Variants in PTPN12 observed in about 807,000 individuals in gnomAD.
PTPN12 encodes the protein tyrosine-protein phosphatase non-receptor type 12.
Under a neutral mutation model 97.6 loss-of-function variants are expected in PTPN12, and 29 were observed. The observed-to-expected ratio is 0.30, with a 90% CI of 0.22 to 0.41. The LOEUF (loss-of-function observed/expected upper bound fraction) is 0.41. PTPN12 is among the 10% of genes least tolerant of loss of function. The probability of loss-of-function intolerance (pLI) is 1.00; values close to 1 mark genes in which losing one functional copy is unlikely to be tolerated. For missense variants in PTPN12, 819 were observed against 926.0 expected (o/e 0.88, Z 1.50); for synonymous variants, 327 against 300.4 (o/e 1.09, Z -0.91).
intron 1 of PTPN12, among the ~76,000 whole-genome samples, chr7:77,539,923 T>C (rs1806872963): frequency 6.6e-6 from 1 of 152,164 alleles, no homozygotes; most frequent in Admixed American, 6.5e-5. Flanking sequence ...AAGTGATCCA[T>C]CTGCTTTGGC....
intron 12 of PTPN12, among the ~76,000 whole-genome samples, chr7:77,625,376 C>T (rs959546096): frequency 6.7e-6 from 1 of 150,286 alleles, no homozygotes. Context: ...CTCAGCCTTC[C>T]TAGTAGCTGG....
At chr7:77,580,233 C>G (rs567327639) in intron 2 of PTPN12, among the ~76,000 whole-genome samples, 1 of 152,188 alleles carries the variant, frequency 6.6e-6, no homozygotes, top group African/African-American at 2.4e-5. Flanking sequence ...GGAGCCTGAG[C>G]CAGGAAGATC....
At chr7:77,602,350 T>C (rs1189959708) in intron 8 of PTPN12, among the ~76,000 whole-genome samples, 3 of 152,232 alleles carry the variant, frequency 2.0e-5, no homozygotes, top group Non-Finnish European at 2.9e-5. Flanking sequence ...TGTATATGTA[T>C]ACATTATATG....
At chr7:77,557,142 T>G (rs1807758690) in intron 1 of PTPN12, among the ~76,000 whole-genome samples, 1 of 152,080 alleles carries the variant, frequency 6.6e-6, no homozygotes, top group Non-Finnish European at 1.5e-5. Context: ...ATTTTTAAAT[T>G]TTTTGTAGAG....
rs765812854 is a variant in PTPN12 at position 77,627,651 on chromosome 7, A to G, written c.1972A>G (p.Thr658Ala). The G allele has an allele frequency of 2.5e-6, 4 of 1,588,144 alleles. No individual in the cohort carries two copies. The highest frequency in any genetic ancestry group is 1.4e-5 in the African/African-American group (1 of 73,904). Residue 658 changes from threonine to alanine, a missense_variant, in exon 13 of 18, where the codon ACA becomes GCA. Around this residue, in one of 5 missense-constraint regions of PTPN12, gnomAD observed 607 missense variants for 577.3 expected, o/e 1.05. Transcript: ENST00000248594. The part of the protein sequence containing the change: ...MSIARHNIAG[T>A]THSGAEKDVD... Reference sequence around the variant, plus strand: ...CATTGCTAGACATAATATAGCAGGAACAACACATTCAGGTGCTGAAAAAGG... The same window carrying G: ...CATTGCTAGACATAATATAGCAGGAGCAACACATTCAGGTGCTGAAAAAGG...
chr7:77,628,921 T>G (rs1789298179), intron 13 of PTPN12, among the ~76,000 whole-genome samples: 1 of 152,154 alleles, frequency 6.6e-6, no homozygotes, highest in African/African-American at 2.4e-5. Context: ...TACTGTATTT[T>G]TTAACTTGAG....
chr7:77,554,626 T>TA (rs1415240060), intron 1 of PTPN12, among the ~76,000 whole-genome samples: 1 of 152,246 alleles, frequency 6.6e-6, no homozygotes, highest in African/African-American at 2.4e-5. Flanking sequence ...GTCTTCTCTC[T>TA]AAAAAATTTA....
intron 6 of PTPN12, 152 bp downstream of exon 6, chr7:77,592,408 G>C: frequency 1.9e-6 from 1 of 539,264 alleles, no homozygotes; most frequent in Middle Eastern, 4.8e-4. Flanking sequence ...TTTATATACT[G>C]CTTTTAAATT....
intron 12 of PTPN12, among the ~76,000 whole-genome samples, chr7:77,624,608 G>GT: frequency 6.6e-6 from 1 of 151,728 alleles, no homozygotes; most frequent in African/African-American, 2.4e-5. Context: ...CCTGACTAGG[G>GT]TTTTGTGTTT....
chr7:77,585,341 T>A (rs1365618631), intron 4 of PTPN12: 11 of 444,258 alleles, frequency 2.5e-5, no homozygotes, highest in East Asian at 1.8e-4. Flanking sequence ...CCAATTTAAT[T>A]TGTTGCTGTA....
At position 77,625,472 on chromosome 7, in the gene PTPN12, G is replaced by GCTCGCGCTCTCTCTCTCTCTCTCT; in HGVS notation, c.1026-1230_1026-1229insGCGCTCTCTCTCTCTCTCTCTCTC. ...TTTTGCCATATTGCCCAGGCTGCTC[G>GCTCGCGCTCTCTCTCTCTCTCTCT]CTCTCTCTCTCTCTCTCTCTCTCTC... On this transcript the variant is annotated intron_variant, in intron 12 of 17. Transcript: ENST00000248594. Among the ~76,000 whole-genome samples, 131 of 33,516 alleles carry GCTCGCGCTCTCTCTCTCTCTCTCT rather than the reference G, an allele frequency of 3.9e-3. 26 individuals are homozygous for GCTCGCGCTCTCTCTCTCTCTCTCT. The highest frequency in any genetic ancestry group is 0.017 in the East Asian group (15 of 884). The allele number at this position is 33,516 out of a possible 152,430, so 22.0% of individuals were successfully genotyped here. A position where few individuals can be genotyped will look rare whatever the true frequency, so the allele number is the denominator to read the frequency against.
chr7:77,585,964 A>AT (rs1284785264), intron 5 of PTPN12, among the ~76,000 whole-genome samples: 1 of 151,674 alleles, frequency 6.6e-6, no homozygotes, highest in Non-Finnish European at 1.5e-5. Context: ...TTATTTTTTT[A>AT]TTTTTTCTAG....
At position 77,583,867 on chromosome 7, in the gene PTPN12, T is replaced by A. The variant is rs562259582; in HGVS notation, c.381+217T>A. 5 of 390,198 alleles carry A rather than the reference T, an allele frequency of 1.3e-5. No individual in the cohort carries two copies. In the South Asian group the frequency reaches 1.6e-4, roughly 13 times the overall value. The allele number at this position is 390,198 out of a possible 1,614,324, so 24.2% of individuals were successfully genotyped here. On this transcript the variant is annotated intron_variant, in intron 4 of 17. Transcript: ENST00000248594. ...TAAGAAGGTGTGATAATAATTTAAA[T>A]CTTGTCCTAAGTCAGTAAGTAATGA...
At chr7:77,596,149 G>T (rs917678739) in intron 6 of PTPN12, among the ~76,000 whole-genome samples, 1 of 152,132 alleles carries the variant, frequency 6.6e-6, no homozygotes, top group African/African-American at 2.4e-5. Context: ...ATTTTATTGG[G>T]TGGTAGATGC....
At chr7:77,604,279 G>A (rs1290065092) in intron 8 of PTPN12, among the ~76,000 whole-genome samples, 1 of 132,864 alleles carries the variant, frequency 7.5e-6, no homozygotes, top group Non-Finnish European at 1.5e-5. Context: ...GCAATGGTGC[G>A]ATCTTGGCTT....
chr7:77,574,162 T>C (rs1300628292), intron 2 of PTPN12, among the ~76,000 whole-genome samples: 4 of 152,140 alleles, frequency 2.6e-5, no homozygotes, highest in Non-Finnish European at 4.4e-5. Context: ...TGGTCTGTCA[T>C]GTGGTGGTAA....
intron 2 of PTPN12, among the ~76,000 whole-genome samples, chr7:77,577,180 T>C (rs987263418): frequency 6.6e-6 from 1 of 152,220 alleles, no homozygotes; most frequent in African/African-American, 2.4e-5. Flanking sequence ...AGTAGTCCCA[T>C]GTTGCTTCAT....
chr7:77,612,332 G>A (rs969630917), intron 11 of PTPN12, among the ~76,000 whole-genome samples: 1 of 152,174 alleles, frequency 6.6e-6, no homozygotes, highest in Non-Finnish European at 1.5e-5. Flanking sequence ...GAATTATTGT[G>A]CAAGGAAATC....
chr7:77,542,478 T>C (rs1807026189), intron 1 of PTPN12, among the ~76,000 whole-genome samples: 1 of 152,112 alleles, frequency 6.6e-6, no homozygotes, highest in African/African-American at 2.4e-5. Flanking sequence ...GTATGAAGGG[T>C]GGCATTTTGG....
Sources: allele counts gnomAD v4.1 joint callset (sites outside exome capture counted in the v4.1 genomes callset), GRCh38; gene constraint gnomAD v4.1.1; regional missense constraint gnomAD v4.1.1; transcripts MANE v1.5; gene names NCBI Gene and HGNC (gene_info 2026-07-23, HGNC 2026-07-21).